FKBP5: variants seen among roughly 807,000 people sequenced by gnomAD.
The protein encoded by FKBP5 is peptidyl-prolyl cis-trans isomerase FKBP5.
A neutral mutation model predicts 50.5 loss-of-function variants in FKBP5; 23 were observed. The ratio of observed to expected loss-of-function variants is 0.46; its 90% CI spans 0.33 to 0.65. The LOEUF is 0.65. Among genes scored for constraint, FKBP5 ranks in the 30% least tolerant of loss-of-function variants. The probability of loss-of-function intolerance (pLI) is 0.02; values close to 1 mark genes in which losing one functional copy is unlikely to be tolerated. For synonymous variants in FKBP5, 176 were observed against 190.6 expected, an observed-to-expected ratio of 0.92 and a Z score of 0.63; for missense variants, 411 against 553.1, an observed-to-expected ratio of 0.74 and a Z score of 2.58.
intron 6 of FKBP5, among the ~76,000 whole-genome samples, chr6:35,593,636 C>T (rs762769750): frequency 1.7e-4 from 26 of 152,158 alleles, no homozygotes; most frequent in Non-Finnish European, 3.7e-4. Context: ...CTCACTGCAA[C>T]CTCCGCCTCC....
intron 3 of FKBP5, among the ~76,000 whole-genome samples, chr6:35,625,837 T>C (rs1345671687): frequency 6.6e-6 from 1 of 150,554 alleles, no homozygotes; most frequent in East Asian, 2.0e-4. Flanking sequence ...TGGGGTGCAG[T>C]GGCGCTATCT....
chr6:35,662,276 CTTT>C (rs35904480), intron 1 of FKBP5, among the ~76,000 whole-genome samples: 208 of 138,850 alleles, frequency 1.5e-3, no homozygotes, highest in East Asian at 4.8e-3. Context: ...ATTTACGTGT[CTTT>C]TTTTTTTTTT....
chr6:35,628,249 C>T (rs1764057974), intron 3 of FKBP5, among the ~76,000 whole-genome samples: 1 of 152,116 alleles, frequency 6.6e-6, no homozygotes, highest in African/African-American at 2.4e-5. Context: ...TGTTCTTTCT[C>T]CCACTGAATG....
At chr6:35,626,201 A>G (rs1270789413) in intron 3 of FKBP5, among the ~76,000 whole-genome samples, 1 of 152,190 alleles carries the variant, frequency 6.6e-6, no homozygotes, top group Non-Finnish European at 1.5e-5. Flanking sequence ...TATGTATACA[A>G]ATGTATAATA....
rs1763591333 is a variant in FKBP5 at position 35,614,729 on chromosome 6, C to T, written c.508+4367G>A. Among the ~76,000 whole-genome samples, 3 of 152,104 alleles carry T rather than the reference C, an allele frequency of 2.0e-5. No homozygotes were observed. The South Asian group carries it at 6.2e-4, about 31-fold the overall frequency. On this transcript the variant is annotated intron_variant, in intron 5 of 10. Transcript: ENST00000357266. ...GGAGAATGAGAGCATTTTCTCACTT[C>T]TGGAGAATGGAGTTTCAAATGAGCA...
intron 1 of FKBP5, among the ~76,000 whole-genome samples, chr6:35,727,234 G>A (rs1766733325): frequency 1.3e-5 from 2 of 152,202 alleles, no homozygotes; most frequent in South Asian, 2.1e-4. Flanking sequence ...CTTCCACACG[G>A]TAAACGTGCG....
intron 5 of FKBP5, among the ~76,000 whole-genome samples, chr6:35,616,755 A>G (rs562042994): frequency 5.5e-4 from 83 of 152,274 alleles, no homozygotes; most frequent in African/African-American, 1.9e-3. Flanking sequence ...TTAAAAATAT[A>G]TATTATAAAT....
intron 9 of FKBP5, among the ~76,000 whole-genome samples, chr6:35,579,152 G>A (rs372073109): frequency 3.6e-4 from 54 of 148,492 alleles, no homozygotes; most frequent in East Asian, 9.7e-4. Flanking sequence ...ACACACACGC[G>A]CGCGCGCACA....
chr6:35,683,826 C>T (rs961888751), intron 1 of FKBP5, among the ~76,000 whole-genome samples: 65 of 151,704 alleles, frequency 4.3e-4, no homozygotes, highest in African/African-American at 1.4e-3. Flanking sequence ...TCGAGGCAGG[C>T]GGATCACCTA....
At chr6:35,586,711 C>T in intron 8 of FKBP5, 1 of 1,153,688 alleles carries the variant, frequency 8.7e-7, no homozygotes, top group Admixed American at 4.3e-5. Context: ...TCCAAAAACA[C>T]TTGTTGAGTG....
At chr6:35,645,976 C>T (rs752959473) in intron 1 of FKBP5, among the ~76,000 whole-genome samples, 3 of 152,024 alleles carry the variant, frequency 2.0e-5, no homozygotes, top group African/African-American at 4.8e-5. Flanking sequence ...ATTAGCCAGG[C>T]GTGGTGGCAC....
intron 2 of FKBP5, among the ~76,000 whole-genome samples, chr6:35,705,673 G>C (rs1351083242): frequency 6.6e-6 from 1 of 152,260 alleles, no homozygotes; most frequent in African/African-American, 2.4e-5. Context: ...TAAGTATTCA[G>C]TACTAATGGT....
intron 8 of FKBP5, chr6:35,584,562 G>A (rs1170385912): frequency 1.0e-6 from 1 of 985,336 alleles, no homozygotes; most frequent in Non-Finnish European, 1.2e-6. Context: ...AGTTGGGAAG[G>A]GAATATGTAC....
intron 8 of FKBP5, chr6:35,582,029 T>G: frequency 1.0e-6 from 1 of 985,596 alleles, no homozygotes; most frequent in Non-Finnish European, 1.2e-6. Flanking sequence ...GAGCTCTGCC[T>G]GTAGAAAGGA....
chr6:35,636,945 C>T (rs894298773), intron 3 of FKBP5, 69 bp downstream of exon 3: 74 of 1,379,038 alleles, frequency 5.4e-5, no homozygotes, highest in Non-Finnish European at 7.1e-5. Context: ...GGATAGAATC[C>T]TCTGCTCCTA....
intron 5 of FKBP5, among the ~76,000 whole-genome samples, chr6:35,618,300 CTG>C (rs1480129161): frequency 6.6e-6 from 1 of 152,142 alleles, no homozygotes; most frequent in Non-Finnish European, 1.5e-5. Flanking sequence ...TTTGTAGAGG[CTG>C]GTAGCATGCC....
In FKBP5 at chr6:35,656,396, T is replaced by G. The variant is rs143371985; in HGVS notation, c.-19-13553A>C. Reference sequence around the variant, plus strand: ...ACTCTGTTATTTTGTATTTATTCATTAAAAAGTAATTTATAAATATATGTT... The same window carrying G: ...ACTCTGTTATTTTGTATTTATTCATGAAAAAGTAATTTATAAATATATGTT... On this transcript the variant is annotated intron_variant, in intron 1 of 10. Transcript: ENST00000357266. Among the ~76,000 whole-genome samples, 9 of 152,312 alleles carry G rather than the reference T, an allele frequency of 5.9e-5. No homozygotes were observed. In the East Asian group the frequency reaches 1.5e-3, roughly 26 times the overall value.
At chr6:35,677,302 T>C (rs1765553468) in intron 1 of FKBP5, among the ~76,000 whole-genome samples, 1 of 152,076 alleles carries the variant, frequency 6.6e-6, no homozygotes, top group African/African-American at 2.4e-5. Flanking sequence ...CTCGATCTCC[T>C]GACCTTGTGA....
intron 1 of FKBP5, among the ~76,000 whole-genome samples, chr6:35,683,380 G>A (rs1765735293): frequency 6.6e-6 from 1 of 151,784 alleles, no homozygotes; most frequent in Admixed American, 6.6e-5. Flanking sequence ...TCTAACTCCT[G>A]GGCTCAAGCA....
Sources: gnomAD v4.1 joint callset for allele counts (sites outside exome capture counted in the v4.1 genomes callset) on GRCh38, gnomAD v4.1.1 for gene constraint, MANE v1.5 for transcripts, NCBI Gene and HGNC (gene_info 2026-07-23, HGNC 2026-07-21) for gene names.